Variants in PCBP3 observed in about 807,000 individuals in gnomAD.
The protein encoded by PCBP3 is poly(rC) binding protein 3, also known as poly(rC)-binding protein 3.
A neutral mutation model predicts 52.7 loss-of-function variants in PCBP3; 25 were observed. The ratio of observed to expected loss-of-function variants is 0.47; its 90% CI spans 0.35 to 0.66. PCBP3 has a LOEUF of 0.66. Ranked by LOEUF, PCBP3 falls within the 30% of genes least tolerant of loss-of-function variation. The pLI, the probability that PCBP3 is intolerant of heterozygous loss-of-function variation, is 0.01. For synonymous variants in PCBP3, 162 were observed against 183.0 expected (o/e 0.89, Z 0.93); for missense variants, 391 against 490.3 (o/e 0.80, Z 1.91).
chr21:45,862,469 A>C (rs1375715812), intron 5 of PCBP3, among the ~76,000 whole-genome samples: 3 of 152,234 alleles, frequency 2.0e-5, no homozygotes, highest in Non-Finnish European at 4.4e-5. Flanking sequence ...CTACTAGACC[A>C]AAGTCTGAAT....
At chr21:45,681,835 A>G (rs143113523) in intron 2 of PCBP3, among the ~76,000 whole-genome samples, 29 of 152,290 alleles carry the variant, frequency 1.9e-4, no homozygotes, top group African/African-American at 6.7e-4. Flanking sequence ...AAAAAACTCA[A>G]TGGATGGATG....
chr21:45,694,206 T>C (rs565352630), intron 2 of PCBP3, among the ~76,000 whole-genome samples: 86 of 152,014 alleles, frequency 5.7e-4, no homozygotes, highest in African/African-American at 1.7e-3. Flanking sequence ...ACCAACCAAA[T>C]AGCAAGATGG....
At chr21:45,764,150 T>A (rs1385857576) in intron 4 of PCBP3, among the ~76,000 whole-genome samples, 1 of 151,614 alleles carries the variant, frequency 6.6e-6, no homozygotes, top group Admixed American at 6.6e-5. Flanking sequence ...GAGATGAAGT[T>A]TTGCTCTTGT....
chr21:45,654,840 T>C (rs891508326), intron 1 of PCBP3, among the ~76,000 whole-genome samples: 1 of 152,164 alleles, frequency 6.6e-6, no homozygotes, highest in Non-Finnish European at 1.5e-5. Context: ...TTCTTCACTT[T>C]AAAAAGAAAC....
rs374835972 is a variant in PCBP3 at position 45,940,233 on chromosome 21, C to G, written c.1079+34C>G. 1.6e-5 allele frequency: 25 copies of G among 1,574,578 alleles called. No homozygotes were observed. The African/African-American group carries it at 3.3e-4, about 21-fold the overall frequency. On this transcript the variant is annotated intron_variant, in intron 17 of 17. Transcript: ENST00000681687. ...CTCCCAAGGGTCTCTGAGAGACGCC[C>G]GGAAAGGGACGCGCCAGCCGGCGTT...
chr21:45,862,187 G>T (rs575111405), intron 5 of PCBP3, among the ~76,000 whole-genome samples: 7 of 98,910 alleles, frequency 7.1e-5, no homozygotes, highest in Admixed American at 2.1e-4. Flanking sequence ...GAATTGGGGC[G>T]GGTGGGGGGA....
chr21:45,809,786 G>A (rs548642536), intron 4 of PCBP3, among the ~76,000 whole-genome samples: 6 of 152,156 alleles, frequency 3.9e-5, no homozygotes, highest in Non-Finnish European at 8.8e-5. Context: ...GATGAGGTTT[G>A]GGGGGCAGAA....
In PCBP3 at chr21:45,807,769, A is replaced by G. The variant is rs76675960; in HGVS notation, c.-125-42192A>G. On this transcript the variant is annotated intron_variant, in intron 4 of 17. Coordinates refer to ENST00000681687, the MANE Select transcript of PCBP3 (RefSeq NM_001384156.1). ...AAAACAAAAACAAAACAAAAAAAAA[A>G]CCTGGAGGCATCATGCTACCTGACT... Among the ~76,000 whole-genome samples, 377 of 151,946 alleles carry G rather than the reference A, an allele frequency of 2.5e-3. 3 individuals are homozygous for G. Among genetic ancestry groups the G allele is most frequent in the Non-Finnish European group, 8.4e-4 (57 of 68,012 alleles).
chr21:45,756,340 A>C (rs908390800), intron 4 of PCBP3, among the ~76,000 whole-genome samples: 2 of 152,184 alleles, frequency 1.3e-5, no homozygotes, highest in African/African-American at 2.4e-5. Flanking sequence ...GTAGCTTTAT[A>C]ATAAGTCTTG....
intron 14 of PCBP3, 34 bp downstream of exon 14, chr21:45,930,029 T>A (rs940448589): frequency 1.0e-5 from 15 of 1,448,136 alleles, no homozygotes; most frequent in Non-Finnish European, 1.5e-5. Context: ...CCTCCTTCTC[T>A]TCTCACCTGG....
rs2074929432 is a variant in PCBP3 at position 45,924,046 on chromosome 21, GAGTGGGTAGAAA to G, written c.718-5870_718-5859del. ...GGAGATGCGAACACCGGGAACAGTCGAGTGGGTAGAAACAGCACACGTAAGATCGGGTGTGCA... is the reference window on the plus strand; with the variant it reads ...GGAGATGCGAACACCGGGAACAGTCGCAGCACACGTAAGATCGGGTGTGCA... On this transcript the variant is annotated intron_variant, in intron 13 of 17. Transcript: ENST00000681687. 1.6e-5 allele frequency among the ~76,000 whole-genome samples: 2 copies of G among 124,466 alleles called. 1 individual carries two copies. Among genetic ancestry groups the G allele is most frequent in the East Asian group, 4.5e-4 (2 of 4,422 alleles). The allele number at this position is 124,466 out of a possible 152,430, so 81.7% of individuals were successfully genotyped here. A position where few individuals can be genotyped will look rare whatever the true frequency, so the allele number is the denominator to read the frequency against.
chr21:45,705,030 G>A (rs2083364064), intron 2 of PCBP3, among the ~76,000 whole-genome samples: 1 of 152,214 alleles, frequency 6.6e-6, no homozygotes, highest in Non-Finnish European at 1.5e-5. Context: ...TCTGTTGTGA[G>A]GGTCACCTTG....
chr21:45,677,555 G>A (rs915527278), intron 2 of PCBP3, among the ~76,000 whole-genome samples: 10 of 152,234 alleles, frequency 6.6e-5, no homozygotes, highest in African/African-American at 2.4e-4. Context: ...CTAAGGAACA[G>A]ATTTTCAATG....
chr21:45,822,331 C>T (rs186940065), intron 4 of PCBP3, among the ~76,000 whole-genome samples: 78 of 152,318 alleles, frequency 5.1e-4, no homozygotes, highest in Admixed American at 1.1e-3. Context: ...GGGCCTTCTC[C>T]GGTGTTCTGC....
chr21:45,925,313 CA>C (rs758396694), intron 13 of PCBP3, among the ~76,000 whole-genome samples: 9 of 152,142 alleles, frequency 5.9e-5, no homozygotes, highest in Non-Finnish European at 1.2e-4. Context: ...CCACTAACAA[CA>C]AAGAAGTCCG....
At chr21:45,789,388 G>C (rs566378348) in intron 4 of PCBP3, among the ~76,000 whole-genome samples, 1 of 152,196 alleles carries the variant, frequency 6.6e-6, no homozygotes, top group Admixed American at 6.5e-5. Flanking sequence ...ATGAGTGCAC[G>C]AGTGTGTGCA....
intron 1 of PCBP3, among the ~76,000 whole-genome samples, chr21:45,661,356 T>A (rs529366291): frequency 6.6e-6 from 1 of 152,268 alleles, no homozygotes; most frequent in South Asian, 2.1e-4. Flanking sequence ...ATTCTGTGTG[T>A]CCATGTGTAT....
chr21:45,704,849 C>T lies in PCBP3; in HGVS notation c.-199-30543C>T, dbSNP rs192168619. Among the ~76,000 whole-genome samples the T allele has an allele frequency of 2.6e-5, 4 of 152,306 alleles. No individual in the cohort carries two copies. Among genetic ancestry groups the T allele is most frequent in the African/African-American group, 9.6e-5 (4 of 41,578 alleles). ...AGTGATGTGATACAGTGCAGGTAGA[C>T]GACACAGGGCGCTGCTGTCTGCTGA... is the stretch of plus-strand genomic sequence containing the variant. On this transcript the variant is annotated intron_variant, in intron 2 of 17. Coordinates refer to ENST00000681687, the MANE Select transcript of PCBP3 (RefSeq NM_001384156.1). The surrounding 1 kb of genome is among the most constrained non-coding windows in gnomAD (Gnocchi z 4.1).
chr21:45,838,120 T>G (rs965818651), intron 4 of PCBP3, among the ~76,000 whole-genome samples: 1 of 152,216 alleles, frequency 6.6e-6, no homozygotes, highest in African/African-American at 2.4e-5. Flanking sequence ...AGCCCCAGTG[T>G]TGTCCTGTGA....
Sources: gnomAD v4.1 joint callset for allele counts (sites outside exome capture counted in the v4.1 genomes callset) on GRCh38, gnomAD v4.1.1 for gene constraint, Gnocchi (gnomAD v3.1) non-coding constraint, MANE v1.5 for transcripts, NCBI Gene and HGNC (gene_info 2026-07-23, HGNC 2026-07-21) for gene names.